The following ITGA11 variants were observed in gnomAD, a reference collection of about 807,000 sequenced individuals.
ITGA11 encodes the protein integrin subunit alpha 11, also known as integrin alpha-11.
A neutral mutation model predicts 141.9 loss-of-function variants in ITGA11; 97 were observed. The ratio of observed to expected loss-of-function variants is 0.68; its 90% confidence interval spans 0.58 to 0.81. The LOEUF (loss-of-function observed/expected upper bound fraction) is 0.81, where lower values mean the gene tolerates loss of function less well. Among genes scored for constraint, ITGA11 ranks in the 30% least tolerant of loss-of-function variants. The pLI, the probability that ITGA11 is intolerant of heterozygous loss-of-function variation, is 0.00. For synonymous variants in ITGA11, 658 were observed against 624.6 expected, an observed-to-expected ratio of 1.05 and a Z score of -0.80; for missense variants, 1,387 against 1,559.2, an observed-to-expected ratio of 0.89 and a Z score of 1.86.
intron 9 of ITGA11, 122 bp from the exon 10 acceptor site, chr15:68,349,022 C>G: frequency 4.1e-6 from 3 of 731,236 alleles, no homozygotes. Context: ...GGCTCTCTTT[C>G]GAGGGGGGGC....
intron 1 of ITGA11, among the ~76,000 whole-genome samples, chr15:68,416,379 G>A (rs1896886675): frequency 3.9e-5 from 6 of 152,194 alleles, no homozygotes; most frequent in Admixed American, 3.9e-4. Flanking sequence ...ACTCACAGAA[G>A]CATCCGGAGA....
chr15:68,325,308 G>T lies in ITGA11; in HGVS notation c.2212-67C>A. The stretch of plus-strand genomic sequence containing the variant: ...CGTCATTTTATGAGCCAGGACCGTG[G>T]ATGCTGAGATAGAACTTCCACCTTC... On this transcript the variant is annotated intron_variant, in intron 17 of 29. Transcript: ENST00000315757. This position sits in a 1 kb window ranked among gnomAD's most constrained non-coding sequence, Gnocchi z 5.5. 9.2e-7 allele frequency: 1 copy of T among 1,085,478 alleles called. No individual in the cohort carries two copies. The highest frequency in any genetic ancestry group is 1.4e-6 in the Non-Finnish European group (1 of 704,284). 67.2% of individuals were successfully genotyped at this position (1,085,478 alleles called of 1,614,324 possible). A position where few individuals can be genotyped will look rare whatever the true frequency, so the allele number is the denominator to read the frequency against.
At chr15:68,384,114 A>G (rs1895926442) in intron 2 of ITGA11, among the ~76,000 whole-genome samples, 1 of 152,058 alleles carries the variant, frequency 6.6e-6, no homozygotes, top group Non-Finnish European at 1.5e-5. Context: ...AGGACGTTCT[A>G]TGGCCCTGAG....
At chr15:68,337,984 G>A (rs1894424194) in intron 11 of ITGA11, among the ~76,000 whole-genome samples, 1 of 152,184 alleles carries the variant, frequency 6.6e-6, no homozygotes, top group South Asian at 2.1e-4. Flanking sequence ...GGTCCCGAGT[G>A]TACCAGCTCG....
chr15:68,303,252 T>G lies in ITGA11; in HGVS notation c.3496-122A>C. The G allele has an allele frequency of 1.3e-6, 1 of 794,242 alleles. No homozygotes were observed. The highest frequency in any genetic ancestry group is 2.1e-6 in the Non-Finnish European group (1 of 485,550). The allele number at this position is 794,242 out of a possible 1,614,324, so 49.2% of individuals were successfully genotyped here. A position where few individuals can be genotyped will look rare whatever the true frequency, so the allele number is the denominator to read the frequency against. ...CAGGGCTTCCTTGAGTACCCCCAGC[T>G]CATTCTGAGCACCCCCTCCTCCAGA... is the stretch of plus-strand genomic sequence containing the variant. On this transcript the variant is annotated intron_variant, in intron 29 of 29. Transcript: ENST00000315757. This position sits in a 1 kb window ranked among gnomAD's most constrained non-coding sequence, Gnocchi z 5.3.
chr15:68,410,592 G>C (rs747449682), intron 1 of ITGA11, among the ~76,000 whole-genome samples: 2 of 152,202 alleles, frequency 1.3e-5, no homozygotes, highest in African/African-American at 4.8e-5. Flanking sequence ...TGGCTGTTTC[G>C]TATCCTCTGC....
chr15:68,303,610 G>A lies in ITGA11; in HGVS notation c.3495+162C>T, dbSNP rs1893097773. Among the ~76,000 whole-genome samples, 1 of 152,038 alleles carries A rather than the reference G, an allele frequency of 6.6e-6. No homozygotes were observed. The highest frequency in any genetic ancestry group is 1.5e-5 in the Non-Finnish European group (1 of 67,992). Reference sequence around the variant, plus strand: ...CAAACAGGTTAGAGCCATAGTCTGAGTGCCGTCTGTTGGCCCTAACCAGTG... The same window carrying A: ...CAAACAGGTTAGAGCCATAGTCTGAATGCCGTCTGTTGGCCCTAACCAGTG... On this transcript the variant is annotated intron_variant, in intron 29 of 29. Transcript: ENST00000315757. The surrounding 1 kb of genome is among the most constrained non-coding windows in gnomAD (Gnocchi z 5.3).
chr15:68,398,161 T>C (rs935632012), intron 2 of ITGA11, among the ~76,000 whole-genome samples: 1 of 151,770 alleles, frequency 6.6e-6, no homozygotes, highest in Admixed American at 6.6e-5. Flanking sequence ...CAATATTAAC[T>C]TTAAATGTAA....
At chr15:68,332,546 C>A (rs996853224) in intron 12 of ITGA11, 68 bp from the exon 13 acceptor site, 11 of 1,538,526 alleles carry the variant, frequency 7.1e-6, no homozygotes, top group Non-Finnish European at 9.6e-6. Flanking sequence ...GCCCTCGCCT[C>A]GCGGGCAGAG....
At chr15:68,342,945 T>C (rs1894616851) in intron 10 of ITGA11, among the ~76,000 whole-genome samples, 1 of 152,070 alleles carries the variant, frequency 6.6e-6, no homozygotes, top group African/African-American at 2.4e-5. Context: ...CAGAGGCTTC[T>C]GAGTTCCACT....
chr15:68,345,401 G>A (rs1274580356), intron 10 of ITGA11, among the ~76,000 whole-genome samples: 3 of 152,062 alleles, frequency 2.0e-5, no homozygotes, highest in Non-Finnish European at 4.4e-5. Flanking sequence ...TAATGTTTTG[G>A]GGCCCTGGAC....
chr15:68,432,163 T>G lies in ITGA11; in HGVS notation c.-97A>C. 1 of 860,716 alleles carries G rather than the reference T, an allele frequency of 1.2e-6. No individual in the cohort carries two copies. The highest frequency in any genetic ancestry group is 1.6e-6 in the Non-Finnish European group (1 of 641,906). The allele number at this position is 860,716 out of a possible 1,614,324, so 53.3% of individuals were successfully genotyped here. A position where few individuals can be genotyped will look rare whatever the true frequency, so the allele number is the denominator to read the frequency against. ...TCGGCGCGGCGCCTGCAGCCTGCAC[T>G]GCGCGGGGCGCCGGGCTCCCTGACA... On this transcript the variant is annotated 5_prime_UTR_variant, in exon 1 of 30. Transcript: ENST00000315757.
At chr15:68,376,349 C>T (rs1266660793) in intron 2 of ITGA11, among the ~76,000 whole-genome samples, 1 of 152,188 alleles carries the variant, frequency 6.6e-6, no homozygotes, top group African/African-American at 2.4e-5. Context: ...CCTGTCACCC[C>T]CTCTCTCACC....
chr15:68,378,879 G>C (rs780361927), intron 2 of ITGA11, among the ~76,000 whole-genome samples: 4 of 152,098 alleles, frequency 2.6e-5, no homozygotes, highest in African/African-American at 4.8e-5. Flanking sequence ...GTTTGCACTT[G>C]ACAACTTTTA....
At position 68,302,057 on chromosome 15, in the gene ITGA11, T is replaced by TGTGTGA. The variant is rs1305129681; in HGVS notation, c.*1001_*1002insTCACAC. 17 of 33,184 alleles carry TGTGTGA rather than the reference T, an allele frequency of 5.1e-4. No homozygotes were observed. Among genetic ancestry groups the TGTGTGA allele is most frequent in the Middle Eastern group, 0.05 (2 of 40 alleles). The allele number at this position is 33,184 out of a possible 1,614,324, so 2.1% of individuals were successfully genotyped here. ...GGCATGAGGGAAGGATGGGAGGCAG[T>TGTGTGA]GTGTGTGTGTGTGTGTGTGTGTGTG... On this transcript the variant is annotated 3_prime_UTR_variant, in exon 30 of 30. Transcript: ENST00000315757.
In ITGA11 at chr15:68,303,115, T is replaced by C; in HGVS notation, c.3511A>G (p.Ser1171Gly). 1.3e-6 allele frequency: 2 copies of C among 1,551,460 alleles called. No homozygotes were observed. The highest frequency in any genetic ancestry group is 1.2e-5 in the South Asian group (1 of 83,996). Reference protein sequence around the residue: ...LALWKLGFFRSARRRREPGLD... With the variant: ...LALWKLGFFRGARRRREPGLD... ...CCAGGCTCCCTCCTGCGCCTGGCAC[T>C]TCTAAAGAAGCCGAGCTGTGAGGAG... Residue 1171 changes from serine to glycine, a missense_variant, in exon 30 of 30, where the codon AGT (serine) becomes GGT (glycine). Transcript: ENST00000315757. This position sits in a 1 kb window ranked among gnomAD's most constrained non-coding sequence, Gnocchi z 5.3.
At chr15:68,357,069 TG>T in intron 7 of ITGA11, 81 bp downstream of exon 7, 1 of 1,253,592 alleles carries the variant, frequency 8.0e-7, no homozygotes, top group Non-Finnish European at 1.1e-6. Flanking sequence ...CTAAATTTTG[TG>T]GTAGTGTGTT....
Position 68,432,112 on chromosome 15 carries a change from G to A in ITGA11, c.-46C>T, listed in dbSNP as rs763065138. On this transcript the variant is annotated 5_prime_UTR_variant, in exon 1 of 30. Transcript: ENST00000315757. The stretch of plus-strand genomic sequence containing the variant: ...GGTCCGGTGTGCAGCGGCGGCGGGG[G>A]GCGGCAAGCCAGAGCGGCAGCCTCC... 40 of 1,340,766 alleles carry A rather than the reference G, an allele frequency of 3.0e-5. No individual in the cohort carries two copies. The highest frequency in any genetic ancestry group is 3.3e-5 in the Non-Finnish European group (34 of 1,045,136). 83.1% of individuals were successfully genotyped at this position (1,340,766 alleles called of 1,614,324 possible).
At chr15:68,393,441 G>T (rs947458709) in intron 2 of ITGA11, among the ~76,000 whole-genome samples, 6 of 152,074 alleles carry the variant, frequency 3.9e-5, no homozygotes, top group African/African-American at 1.4e-4. Context: ...TAGTCAAACT[G>T]CTGACATTAA....
Sources: gnomAD v4.1 joint callset for allele counts (sites outside exome capture counted in the v4.1 genomes callset) on GRCh38, gnomAD v4.1.1 for gene constraint, Gnocchi (gnomAD v3.1) non-coding constraint, MANE v1.5 for transcripts, NCBI Gene and HGNC (gene_info 2026-07-23, HGNC 2026-07-21) for gene names.